SGCZ: variants seen among roughly 807,000 people sequenced by gnomAD.
SGCZ encodes sarcoglycan zeta.
SGCZ carries 40 observed loss-of-function variants against 41.3 expected under a neutral mutation model. That is an observed-to-expected ratio of 0.97 (90% confidence interval 0.75 to 1.26). The LOEUF is 1.26. Among genes scored for constraint, SGCZ ranks in the 50% most tolerant of loss-of-function variants. The pLI is 0.00. For missense variants in SGCZ, 552 were observed against 369.8 expected (o/e 1.49, Z -4.04); for synonymous variants, 206 against 137.5 (o/e 1.50, Z -3.49).
At position 14,811,518 on chromosome 8, in the gene SGCZ, C is replaced by CTTTTTTTTTTTT. The variant is rs71209087; in HGVS notation, c.40-256604_40-256593dup. On this transcript the variant is annotated intron_variant, in intron 1 of 7. Coordinates refer to ENST00000382080, the MANE Select transcript of SGCZ (RefSeq NM_139167.4). ...AAACATTCGCTGAAAGACACTGCAT[C>CTTTTTTTTTTTT]TTTTTTTTTTTTTTTTTTTTTTTTT... 1.2e-4 allele frequency among the ~76,000 whole-genome samples: 6 copies of CTTTTTTTTTTTT among 49,744 alleles called. 2 individuals carry two copies. The highest frequency in any genetic ancestry group is 2.3e-4 in the African/African-American group (3 of 12,898). The allele number at this position is 49,744 out of a possible 152,430, so 32.6% of individuals were successfully genotyped here.
At chr8:15,075,108 C>T (rs962168571) in intron 1 of SGCZ, among the ~76,000 whole-genome samples, 2 of 151,106 alleles carry the variant, frequency 1.3e-5, no homozygotes, top group African/African-American at 2.4e-5. Context: ...AATTAAATTT[C>T]ACAGTAGCTT....
intron 2 of SGCZ, among the ~76,000 whole-genome samples, chr8:14,473,666 G>C (rs1320870698): frequency 6.6e-6 from 1 of 152,080 alleles, no homozygotes; most frequent in Non-Finnish European, 1.5e-5. Context: ...GGCCGGGCGA[G>C]GTGTCTCAAG....
chr8:14,686,748 C>A (rs1808624228), intron 1 of SGCZ, among the ~76,000 whole-genome samples: 1 of 151,984 alleles, frequency 6.6e-6, no homozygotes, highest in African/African-American at 2.4e-5. Context: ...TATTTTAATG[C>A]ATGGTTTTGA....
intron 1 of SGCZ, among the ~76,000 whole-genome samples, chr8:14,878,370 T>A (rs1804448153): frequency 6.6e-6 from 1 of 151,744 alleles, no homozygotes; most frequent in South Asian, 2.1e-4. Context: ...AGTTAAAATA[T>A]AATTAACAAC....
rs1808654622 is a variant in SGCZ at position 14,687,529 on chromosome 8, ATT to A, written c.40-132605_40-132604del. Among the ~76,000 whole-genome samples the A allele has an allele frequency of 3.3e-5, 5 of 151,764 alleles. No homozygotes were observed. In the South Asian group the frequency reaches 1.0e-3, roughly 32 times the overall value. On this transcript the variant is annotated intron_variant, in intron 1 of 7. Coordinates refer to ENST00000382080, the MANE Select transcript of SGCZ (RefSeq NM_139167.4). The stretch of plus-strand genomic sequence containing the variant: ...TCCCTACAAAGGACATGAACTCATC[ATT>A]TTTTATGGCTGCATAGTATTCCATG...
intron 3 of SGCZ, among the ~76,000 whole-genome samples, chr8:14,241,510 TAA>T (rs1798890102): frequency 6.8e-6 from 1 of 148,094 alleles, no homozygotes; most frequent in Non-Finnish European, 1.5e-5. Flanking sequence ...ACAATATATA[TAA>T]TATATAGCAT....
At chr8:15,109,548 A>G (rs1295051077) in intron 1 of SGCZ, among the ~76,000 whole-genome samples, 3 of 152,214 alleles carry the variant, frequency 2.0e-5, no homozygotes, top group African/African-American at 7.2e-5. Context: ...TTTGAATAAC[A>G]TTACAGGATG....
At chr8:15,098,830 G>C (rs1046242948) in intron 1 of SGCZ, among the ~76,000 whole-genome samples, 3 of 152,190 alleles carry the variant, frequency 2.0e-5, no homozygotes, top group Non-Finnish European at 2.9e-5. Flanking sequence ...AGGCCGATGA[G>C]GGCGGATCAC....
intron 3 of SGCZ, among the ~76,000 whole-genome samples, chr8:14,261,420 G>T (rs79543185): frequency 6.6e-6 from 1 of 152,110 alleles, no homozygotes; most frequent in Non-Finnish European, 1.5e-5. Flanking sequence ...AAGAATTACC[G>T]TAGTGTAAAT....
At chr8:14,938,694 T>A (rs1371496441) in intron 1 of SGCZ, among the ~76,000 whole-genome samples, 1 of 152,138 alleles carries the variant, frequency 6.6e-6, no homozygotes, top group Non-Finnish European at 1.5e-5. Flanking sequence ...AATAATACCT[T>A]TTGCAGCAAC....
intron 1 of SGCZ, among the ~76,000 whole-genome samples, chr8:14,810,661 G>C (rs1048745708): frequency 6.6e-6 from 1 of 151,996 alleles, no homozygotes; most frequent in Non-Finnish European, 1.5e-5. Flanking sequence ...ATCAGCAAGA[G>C]AGAGCTAACT....
At chr8:14,384,067 A>T (rs898434554) in intron 2 of SGCZ, among the ~76,000 whole-genome samples, 5 of 151,676 alleles carry the variant, frequency 3.3e-5, no homozygotes, top group African/African-American at 1.2e-4. Flanking sequence ...TGCACCCATT[A>T]ACTCGTCATT....
chr8:15,189,018 G>A (rs1800442151), intron 1 of SGCZ, among the ~76,000 whole-genome samples: 1 of 152,130 alleles, frequency 6.6e-6, no homozygotes, highest in Admixed American at 6.6e-5. Flanking sequence ...TCACAGAGAT[G>A]GAAGAAACCA....
At chr8:14,723,740 T>C (rs1400662091) in intron 1 of SGCZ, among the ~76,000 whole-genome samples, 2 of 152,084 alleles carry the variant, frequency 1.3e-5, no homozygotes, top group African/African-American at 4.8e-5. Flanking sequence ...TCTATGTGTA[T>C]ATTATACATG....
At chr8:14,881,838 C>T (rs1003509782) in intron 1 of SGCZ, among the ~76,000 whole-genome samples, 3 of 152,172 alleles carry the variant, frequency 2.0e-5, no homozygotes, top group African/African-American at 4.8e-5. Flanking sequence ...AAGTAAAACA[C>T]TCCTCAGCAA....
intron 1 of SGCZ, among the ~76,000 whole-genome samples, chr8:14,813,859 A>C (rs1210357169): frequency 1.3e-5 from 2 of 152,192 alleles, no homozygotes; most frequent in Admixed American, 1.3e-4. Flanking sequence ...ACACTAAGGC[A>C]GAAGAATCAC....
At chr8:14,235,771 G>A (rs1284142469) in intron 4 of SGCZ, among the ~76,000 whole-genome samples, 5 of 152,004 alleles carry the variant, frequency 3.3e-5, no homozygotes, top group Admixed American at 2.6e-4. Context: ...TGCAACCTGC[G>A]CCTCCTGGGT....
chr8:14,928,554 C>T (rs1428685593), intron 1 of SGCZ, among the ~76,000 whole-genome samples: 4 of 152,080 alleles, frequency 2.6e-5, no homozygotes, highest in East Asian at 1.9e-4. Context: ...TAGCTTTAAA[C>T]GTGGTGCTAA....
intron 2 of SGCZ, among the ~76,000 whole-genome samples, chr8:14,428,904 T>C (rs1238471616): frequency 1.3e-5 from 2 of 152,238 alleles, no homozygotes; most frequent in Non-Finnish European, 1.5e-5. Context: ...CATGCTTTCA[T>C]AGTTTCAATA....
Sources: gnomAD v4.1 joint callset for allele counts (sites outside exome capture counted in the v4.1 genomes callset) on GRCh38, gnomAD v4.1.1 for gene constraint, MANE v1.5 for transcripts, NCBI Gene and HGNC (gene_info 2026-07-23, HGNC 2026-07-21) for gene names.